Variants in ZNF521 observed in about 807,000 individuals in gnomAD.
The protein encoded by ZNF521 is LYST-interacting protein 3.
Under a neutral mutation model 105.5 loss-of-function variants are expected in ZNF521, and 14 were observed. That is an observed-to-expected ratio of 0.13 (90% CI 0.09 to 0.21). The LOEUF is 0.21. Ranked by LOEUF, ZNF521 falls within the 10% of genes least tolerant of loss-of-function variation. The pLI, the probability that ZNF521 is intolerant of heterozygous loss-of-function variation, is 1.00. For synonymous variants in ZNF521, 635 were observed against 606.0 expected (o/e 1.05, Z -0.70); for missense variants, 1,233 against 1,629.7 (o/e 0.76, Z 4.19).
intron 7 of ZNF521, among the ~76,000 whole-genome samples, chr18:25,074,055 T>TGTGTGCGTGC (rs1555631260): frequency 2.0e-3 from 211 of 106,032 alleles, no homozygotes; most frequent in African/African-American, 8.8e-3. Flanking sequence ...TCTGTGCACA[T>TGTGTGCGTGC]GTGTGCGCAC....
In ZNF521 at chr18:25,249,262, T is replaced by G. The variant is rs1600212430; in HGVS notation, c.221-21565A>C. Among the ~76,000 whole-genome samples, 4 of 151,878 alleles carry G rather than the reference T, an allele frequency of 2.6e-5. No individual in the cohort carries two copies. In the East Asian group the frequency reaches 7.8e-4, roughly 30 times the overall value. The stretch of plus-strand genomic sequence containing the variant: ...GCTCCGCCTCCTGGGTTCATGCCAT[T>G]CTCCTGCCTCAGCCTCCAGAGTAAC... On this transcript the variant is annotated intron_variant, in intron 3 of 7. Coordinates refer to ENST00000361524, the MANE Select transcript of ZNF521 (RefSeq NM_015461.3).
chr18:25,212,565 A>ATATGTGTGTG (rs1227568202), intron 4 of ZNF521, among the ~76,000 whole-genome samples: 2 of 112,870 alleles, frequency 1.8e-5, no homozygotes, highest in Middle Eastern at 4.8e-3. Flanking sequence ...ATATATATAT[A>ATATGTGTGTG]TGTATAGAAA....
intron 5 of ZNF521, among the ~76,000 whole-genome samples, chr18:25,120,591 A>AC (rs375349588): frequency 0.18 from 24,325 of 135,114 alleles, 2,151 homozygotes; most frequent in Middle Eastern, 0.25. Context: ...CTAAAAAAAA[A>AC]AAAAAAAAAA....
intron 3 of ZNF521, among the ~76,000 whole-genome samples, chr18:25,249,448 C>G (rs529557761): frequency 6.6e-6 from 1 of 151,332 alleles, no homozygotes; most frequent in African/African-American, 2.4e-5. Context: ...TGAGCCACCA[C>G]GCCGGGCCTT....
At chr18:25,268,611 T>TG (rs1475648214) in intron 3 of ZNF521, among the ~76,000 whole-genome samples, 1 of 152,190 alleles carries the variant, frequency 6.6e-6, no homozygotes, top group Non-Finnish European at 1.5e-5. Flanking sequence ...CAGAAGATAG[T>TG]GGGGGCCAAT....
intron 7 of ZNF521, among the ~76,000 whole-genome samples, chr18:25,086,844 C>T (rs989536134): frequency 2.0e-5 from 3 of 152,088 alleles, no homozygotes; most frequent in Non-Finnish European, 2.9e-5. Context: ...GTCACAAAAA[C>T]TCAAAAAGAG....
At position 25,253,120 on chromosome 18, in the gene ZNF521, T is replaced by C. The variant is rs368348209; in HGVS notation, c.221-25423A>G. ...CCCTTGCTGACATGCCATTTTATTATTTTATTATTTACAGCAGTACTTGTT... is the reference window on the plus strand; with the variant it reads ...CCCTTGCTGACATGCCATTTTATTACTTTATTATTTACAGCAGTACTTGTT... On this transcript the variant is annotated intron_variant, in intron 3 of 7. Coordinates refer to ENST00000361524, the MANE Select transcript of ZNF521 (RefSeq NM_015461.3). Among the ~76,000 whole-genome samples the C allele has an allele frequency of 5.3e-5, 8 of 152,188 alleles. No homozygotes were observed. The East Asian group carries it at 1.3e-3, about 26-fold the overall frequency.
intron 5 of ZNF521, among the ~76,000 whole-genome samples, chr18:25,112,872 C>T (rs759564027): frequency 2.0e-5 from 3 of 152,038 alleles, no homozygotes; most frequent in Non-Finnish European, 4.4e-5. Flanking sequence ...GTCTGCATGC[C>T]GTAGATTTAA....
At chr18:25,275,042 T>C (rs1909941083) in intron 3 of ZNF521, among the ~76,000 whole-genome samples, 1 of 152,172 alleles carries the variant, frequency 6.6e-6, no homozygotes, top group South Asian at 2.1e-4. Context: ...TGGGCTTTCA[T>C]TCAAAACAAA....
chr18:25,350,155 C>A (rs191734730), intron 2 of ZNF521, among the ~76,000 whole-genome samples: 358 of 152,244 alleles, frequency 2.4e-3, no homozygotes, highest in Non-Finnish European at 4.2e-3. Flanking sequence ...CCCCAAAATC[C>A]CGCACGCACG....
At chr18:25,112,087 G>A (rs2034201877) in intron 5 of ZNF521, among the ~76,000 whole-genome samples, 1 of 152,126 alleles carries the variant, frequency 6.6e-6, no homozygotes, top group African/African-American at 2.4e-5. Context: ...GGCATGCTTT[G>A]GCACATTCAG....
intron 5 of ZNF521, among the ~76,000 whole-genome samples, chr18:25,175,268 G>A (rs997361971): frequency 1.3e-5 from 2 of 152,306 alleles, no homozygotes; most frequent in Admixed American, 6.5e-5. Flanking sequence ...CCTCCTCAGG[G>A]AAACCTCACT....
At chr18:25,123,205 G>C (rs1191034781) in intron 5 of ZNF521, among the ~76,000 whole-genome samples, 1 of 151,770 alleles carries the variant, frequency 6.6e-6, no homozygotes, top group Non-Finnish European at 1.5e-5. Flanking sequence ...AGCAAACACT[G>C]TTTTGTTTTG....
rs78098585 is a variant in ZNF521 at position 25,248,340 on chromosome 18, T to C, written c.221-20643A>G. On this transcript the variant is annotated intron_variant, in intron 3 of 7. Coordinates refer to ENST00000361524, the MANE Select transcript of ZNF521 (RefSeq NM_015461.3). ...TACCCAGGAAGAACATCTGCAAAAA[T>C]GACAACAGAATATTGAAGCAAGAAT... Among the ~76,000 whole-genome samples, 205 of 152,276 alleles carry C rather than the reference T, an allele frequency of 1.3e-3. 2 individuals carry two copies. In the East Asian group the frequency reaches 0.032, roughly 24 times the overall value.
chr18:25,161,404 C>T (rs1435736683), intron 5 of ZNF521, among the ~76,000 whole-genome samples: 1 of 152,014 alleles, frequency 6.6e-6, no homozygotes, highest in Non-Finnish European at 1.5e-5. Flanking sequence ...AAAAGAAATG[C>T]CACTTTTTAT....
chr18:25,284,328 C>T (rs1910562098), intron 3 of ZNF521, among the ~76,000 whole-genome samples: 1 of 152,120 alleles, frequency 6.6e-6, no homozygotes, highest in African/African-American at 2.4e-5. Flanking sequence ...CATACACACA[C>T]TAAACGCACT....
chr18:25,208,796 C>T (rs1431251824), intron 4 of ZNF521, among the ~76,000 whole-genome samples: 19 of 152,224 alleles, frequency 1.2e-4, no homozygotes, highest in African/African-American at 3.9e-4. Flanking sequence ...ACACCCACCT[C>T]AGCCTCCTGA....
chr18:25,111,352 C>T (rs887846921), intron 5 of ZNF521, among the ~76,000 whole-genome samples: 3 of 152,172 alleles, frequency 2.0e-5, no homozygotes, highest in African/African-American at 7.2e-5. Context: ...AGAGTGCTAC[C>T]TCATTGTAAC....
At chr18:25,206,250 C>T (rs776011392) in intron 4 of ZNF521, among the ~76,000 whole-genome samples, 15 of 152,154 alleles carry the variant, frequency 9.9e-5, no homozygotes, top group Non-Finnish European at 1.6e-4. Context: ...TCAAGTGATC[C>T]GCCCACTTTG....
Sources: gnomAD v4.1 joint callset for allele counts (sites outside exome capture counted in the v4.1 genomes callset) on GRCh38, gnomAD v4.1.1 for gene constraint, MANE v1.5 for transcripts, NCBI Gene and HGNC (gene_info 2026-07-23, HGNC 2026-07-21) for gene names.